JMJD7: variants seen among roughly 807,000 people sequenced by gnomAD.
The protein encoded by JMJD7 is bifunctional peptidase and (3S)-lysyl hydroxylase JMJD7.
A neutral mutation model predicts 41.1 loss-of-function variants in JMJD7; 41 were observed. The ratio of observed to expected loss-of-function variants is 1.00; its 90% CI spans 0.78 to 1.30. The LOEUF (loss-of-function observed/expected upper bound fraction) is 1.30. JMJD7 is among the 50% of genes most tolerant of loss of function. The probability of loss-of-function intolerance (pLI) is 0.00; values close to 1 mark genes in which losing one functional copy is unlikely to be tolerated. For missense variants in JMJD7, 480 were observed against 420.7 expected (o/e 1.14, Z -1.23); for synonymous variants, 202 against 177.2 (o/e 1.14, Z -1.11).
At position 41,834,784 on chromosome 15, in the gene JMJD7, A is replaced by G. The variant is rs1486003286; in HGVS notation, c.109A>G (p.Thr37Ala). 6.2e-6 allele frequency: 10 copies of G among 1,613,496 alleles called. No individual in the cohort carries two copies. Among genetic ancestry groups the G allele is most frequent in the Non-Finnish European group, 7.6e-6 (9 of 1,179,870 alleles). The change falls in exon 2 of 8, where the codon ACT becomes GCT. Residue 37 changes from threonine (T) to alanine (A), a missense_variant. By Grantham distance (58) the Thr-to-Ala change is moderately conservative (BLOSUM62 0). Coordinates refer to ENST00000397299, the MANE Select transcript of JMJD7 (RefSeq NM_001114632.2). ...LAVPYLDKPPTPLHFYRDWVC... is the reference protein window; with the variant it reads ...LAVPYLDKPPAPLHFYRDWVC... ...TGTGCCCTACCTGGACAAACCCCCA[A>G]CTCCGCTCCACTTCTACCGGGACTG... is the stretch of plus-strand genomic sequence containing the variant.
intron 1 of JMJD7, among the ~76,000 whole-genome samples, chr15:41,831,624 C>G (rs1397851999): frequency 6.6e-6 from 1 of 152,192 alleles, no homozygotes; most frequent in African/African-American, 2.4e-5. Flanking sequence ...CTCTGCTGAG[C>G]TGAACACTCA....
rs747598273 is a variant in JMJD7, at chr15:41,835,219, C to T, written c.468C>T (p.Ala156=). 7.5e-6 allele frequency: 12 copies of T among 1,597,910 alleles called. No individual in the cohort carries two copies. Among genetic ancestry groups the T allele is most frequent in the African/African-American group, 1.3e-5 (1 of 75,014 alleles). ...CCCATGTGCCCTGGGCCTCCGAAGC[C>T]CTGGGTGAGTGGAGGTGGGGTGGTC... ...LESHVPWASE[A]LGKMPDAVNF... Residue 156 remains alanine (A), a synonymous_variant, in exon 3 of 8, where the codon GCC becomes GCT. Coordinates refer to ENST00000397299, the MANE Select transcript of JMJD7 (RefSeq NM_001114632.2).
At position 41,834,778 on chromosome 15, in the gene JMJD7, C is replaced by G; in HGVS notation, c.103C>G (p.Pro35Ala). The part of the protein sequence containing the change: ...VPLAVPYLDK[P>A]PTPLHFYRDW... ...TCTTGCTGTGCCCTACCTGGACAAA[C>G]CCCCAACTCCGCTCCACTTCTACCG... is the stretch of plus-strand genomic sequence containing the variant. The change falls in exon 2 of 8, where the codon CCC becomes GCC. Residue 35 changes from proline (P) to alanine (A), a missense_variant. Transcript: ENST00000397299. 1 of 1,614,172 alleles carries G rather than the reference C, an allele frequency of 6.2e-7. No homozygotes were observed. Among genetic ancestry groups the G allele is most frequent in the Non-Finnish European group, 8.5e-7 (1 of 1,180,040 alleles).
Position 41,837,121 on chromosome 15 carries a change from C to T in JMJD7, c.916C>T (p.Leu306Phe). The T allele has an allele frequency of 6.2e-7, 1 of 1,613,344 alleles. No homozygotes were observed. Among genetic ancestry groups the T allele is most frequent in the South Asian group, 1.1e-5 (1 of 90,946 alleles). The change falls in exon 8 of 8, where the codon CTC becomes TTC. Residue 306 changes from leucine (L) to phenylalanine (F), a missense_variant. Leu to Phe is a conservative substitution (Grantham distance 22). Transcript: ENST00000397299. ...CCTCAAGTATAGTTACTTCCAGCTG[C>T]TCGACTCCCTCACCAAGGCTTCAGG... is the stretch of plus-strand genomic sequence containing the variant. ...YDLKYSYFQL[L>F]DSLTKASGLD
intron 6 of JMJD7, 74 bp from the exon 7 acceptor site, chr15:41,836,707 A>T: frequency 6.6e-7 from 1 of 1,506,380 alleles, no homozygotes; most frequent in Non-Finnish European, 8.9e-7. Flanking sequence ...TGTGGTGTTG[A>T]CCTTTGGAAG....
intron 5 of JMJD7, 68 bp downstream of exon 5, chr15:41,836,311 G>C (rs375258358): frequency 3.8e-6 from 6 of 1,595,688 alleles, no homozygotes; most frequent in Non-Finnish European, 5.1e-6. Context: ...GGCAGCAAGA[G>C]CCTGGGAGGC....
At position 41,828,120 on chromosome 15, in the gene JMJD7, C is replaced by A. The variant is rs201791211; in HGVS notation, c.-5C>A. ...GGCGGGGTCTCGGCCGGCGCTGACG[C>A]AGCCATGGCGGAGGCGGCTTTGGAA... is the stretch of plus-strand genomic sequence containing the variant. On this transcript the variant is annotated 5_prime_UTR_variant, in exon 1 of 8. Coordinates refer to ENST00000397299, the MANE Select transcript of JMJD7 (RefSeq NM_001114632.2). 1.1e-4 allele frequency: 153 copies of A among 1,454,624 alleles called. 1 individual carries two copies. Among genetic ancestry groups the A allele is most frequent in the Non-Finnish European group, 7.0e-5 (78 of 1,106,410 alleles). The allele number at this position is 1,454,624 out of a possible 1,614,324, so 90.1% of individuals were successfully genotyped here. A position where few individuals can be genotyped will look rare whatever the true frequency, so the allele number is the denominator to read the frequency against.
chr15:41,832,000 T>C (rs897606850), intron 1 of JMJD7, among the ~76,000 whole-genome samples: 1 of 152,210 alleles, frequency 6.6e-6, no homozygotes, highest in Non-Finnish European at 1.5e-5. Context: ...ACACCCTCTT[T>C]AGGGCTCTGC....
chr15:41,836,336 G>C, intron 5 of JMJD7, 93 bp downstream of exon 5: 1 of 1,573,114 alleles, frequency 6.4e-7, no homozygotes, highest in Non-Finnish European at 8.7e-7. Context: ...TCCCAGGCCT[G>C]AGGTGTGGCT....
chr15:41,831,409 C>T (rs998133009), intron 1 of JMJD7, among the ~76,000 whole-genome samples: 79 of 152,204 alleles, frequency 5.2e-4, no homozygotes, highest in African/African-American at 1.9e-3. Context: ...AGGTGACTGG[C>T]ATGGTGTGGC....
intron 4 of JMJD7, 122 bp downstream of exon 4, chr15:41,835,766 T>C: frequency 7.8e-7 from 1 of 1,278,164 alleles, no homozygotes; most frequent in Non-Finnish European, 1.1e-6. Context: ...AGATTTCTTT[T>C]GGCTTCTAGG....
chr15:41,830,867 G>A (rs117277080), intron 1 of JMJD7, among the ~76,000 whole-genome samples: 5,760 of 152,332 alleles, frequency 0.038, 152 homozygotes, highest in Non-Finnish European at 0.056. Flanking sequence ...GAGCATGGGA[G>A]GGAGGCCAAG....
chr15:41,833,412 A>ATTTTTTT (rs1430293088), intron 1 of JMJD7, among the ~76,000 whole-genome samples: 150 of 41,884 alleles, frequency 3.6e-3, no homozygotes, highest in Non-Finnish European at 6.2e-3. Flanking sequence ...ATATATATAT[A>ATTTTTTT]TATTTTTTTT....
chr15:41,832,325 A>T (rs2065240808), intron 1 of JMJD7: 1 of 181,742 alleles, frequency 5.5e-6, no homozygotes, highest in Admixed American at 6.0e-5. Context: ...AGGCAAAGGC[A>T]TCACTGGCCA....
chr15:41,835,167 TG>T lies in JMJD7; in HGVS notation c.417del (p.Gln141SerfsTer24). 1.9e-6 allele frequency: 3 copies of T among 1,604,042 alleles called. No individual in the cohort carries two copies. Among genetic ancestry groups the T allele is most frequent in the Non-Finnish European group, 2.5e-6 (3 of 1,179,942 alleles). Reference protein sequence around the residue: ...QKQCSNLPSELPQLLPDLESH... With the variant: ...QKQCSNLPSEXPQLLPDLESH... ...CAGTGCTCCAACCTGCCCAGCGAGCTGCCCCAGCTGCTGCCTGATCTGGAAT... is the reference window on the plus strand; with the variant it reads ...CAGTGCTCCAACCTGCCCAGCGAGCTCCCCAGCTGCTGCCTGATCTGGAAT... On this transcript the variant is annotated frameshift_variant, in exon 3 of 8. Coordinates refer to ENST00000397299, the MANE Select transcript of JMJD7 (RefSeq NM_001114632.2). LOFTEE classifies it high-confidence loss of function.
intron 1 of JMJD7, 145 bp from the exon 2 acceptor site, chr15:41,834,595 A>C (rs1020006156): frequency 1.2e-5 from 15 of 1,202,910 alleles, no homozygotes; most frequent in Non-Finnish European, 1.6e-5. Flanking sequence ...TCATCTTTCT[A>C]TTACTGGTTG....
chr15:41,830,644 T>G lies in JMJD7; in HGVS notation c.64+2456T>G, dbSNP rs112835456. Among the ~76,000 whole-genome samples, 43 of 152,316 alleles carry G rather than the reference T, an allele frequency of 2.8e-4. 1 individual carries two copies. The highest frequency in any genetic ancestry group is 1.0e-3 in the African/African-American group (42 of 41,574). Reference sequence around the variant, plus strand: ...GCTGCAGCCTCCCAAGCTGCAGCTGTGGACCCAGGCATGTCTGCACTTTTG... The same window carrying G: ...GCTGCAGCCTCCCAAGCTGCAGCTGGGGACCCAGGCATGTCTGCACTTTTG... On this transcript the variant is annotated intron_variant, in intron 1 of 7. Transcript: ENST00000397299.
At chr15:41,832,832 T>G (rs2065248592) in intron 1 of JMJD7, among the ~76,000 whole-genome samples, 1 of 152,134 alleles carries the variant, frequency 6.6e-6, no homozygotes, top group South Asian at 2.1e-4. Flanking sequence ...AACCACCAAA[T>G]GGGAACCACG....
chr15:41,836,466 G>T lies in JMJD7; in HGVS notation c.626-9G>T, dbSNP rs745847720. The T allele has an allele frequency of 6.3e-7, 1 of 1,575,524 alleles. No homozygotes were observed. The highest frequency in any genetic ancestry group is 2.3e-5 in the East Asian group (1 of 43,434). On this transcript the variant is annotated splice_polypyrimidine_tract_variant and intron_variant, in intron 5 of 7. Coordinates refer to ENST00000397299, the MANE Select transcript of JMJD7 (RefSeq NM_001114632.2). ...CAATTCCCCCACACCCTTCTCCCTTGGGCTCCAGAGCTGTACACGCCGGCA... is the reference window on the plus strand; with the variant it reads ...CAATTCCCCCACACCCTTCTCCCTTTGGCTCCAGAGCTGTACACGCCGGCA...
Sources: allele counts gnomAD v4.1 joint callset (sites outside exome capture counted in the v4.1 genomes callset), GRCh38; gene constraint gnomAD v4.1.1; transcripts MANE v1.5; gene names NCBI Gene and HGNC (gene_info 2026-07-23, HGNC 2026-07-21).